ZFHX3: variants seen among roughly 807,000 people sequenced by gnomAD.
ZFHX3 encodes zinc finger homeobox 3.
A neutral mutation model predicts 279.1 loss-of-function variants in ZFHX3; 42 were observed. The ratio of observed to expected loss-of-function variants is 0.15; its 90% CI spans 0.12 to 0.19. ZFHX3 has a LOEUF of 0.19. Among genes scored for constraint, ZFHX3 ranks in the 10% least tolerant of loss-of-function variants. The probability of loss-of-function intolerance (pLI) is 1.00; values close to 1 mark genes in which losing one functional copy is unlikely to be tolerated. For missense variants in ZFHX3, 4,981 were observed against 4,754.0 expected (o/e 1.05, Z -1.40); for synonymous variants, 2,293 against 1,957.8 (o/e 1.17, Z -4.52).
chr16:73,091,212 GA>G (rs59061383), intron 8 of ZFHX3, among the ~76,000 whole-genome samples: 5,249 of 127,666 alleles, frequency 0.041, 316 homozygotes, highest in African/African-American at 0.14. Flanking sequence ...CTCCGTCTCG[GA>G]AAAAAAAAAA....
chr16:73,396,764 A>T (rs1434748401), intron 3 of ZFHX3, among the ~76,000 whole-genome samples: 1 of 152,190 alleles, frequency 6.6e-6, no homozygotes, highest in Non-Finnish European at 1.5e-5. Context: ...CTCCCTCGAC[A>T]TGTAGGGGTT....
rs755375298 is a variant in ZFHX3, at chr16:72,959,376, G to C, written c.770C>G (p.Ser257Cys). 2 of 1,614,098 alleles carry C rather than the reference G, an allele frequency of 1.2e-6. No homozygotes were observed. Among genetic ancestry groups the C allele is most frequent in the African/African-American group, 2.7e-5 (2 of 74,924 alleles). ...GTCCACATTGTTGGGAACATCTTTG[G>C]ATACGCAGGAGCTTTTGGCAGAACC... ...SDGSAKSSCV[S>C]KDVPNNVDLS... The change falls in exon 2 of 10, where the codon TCC becomes TGC. Residue 257 changes from serine to cysteine, a missense_variant. Coordinates refer to ENST00000268489, the MANE Select transcript of ZFHX3 (RefSeq NM_006885.4).
chr16:73,410,283 G>C lies in ZFHX3; in HGVS notation c.-1291+45720C>G, dbSNP rs1174791627. Among the ~76,000 whole-genome samples, 10 of 152,252 alleles carry C rather than the reference G, an allele frequency of 6.6e-5. No individual in the cohort carries two copies. The East Asian group carries it at 1.9e-3, about 29-fold the overall frequency. ...ATACAAAAATTAGCTAGGCGTGGTAGCAGCTGCCTGTAATGCCAGCTACTC... is the reference window on the plus strand; with the variant it reads ...ATACAAAAATTAGCTAGGCGTGGTACCAGCTGCCTGTAATGCCAGCTACTC... On this transcript the variant is annotated intron_variant, in intron 3 of 17. Coordinates refer to the ZFHX3 transcript ENST00000641206.
intron 4 of ZFHX3, among the ~76,000 whole-genome samples, chr16:72,886,562 A>C (rs958986046): frequency 1.3e-5 from 2 of 152,158 alleles, no homozygotes; most frequent in East Asian, 3.8e-4. Context: ...TCATTAATAC[A>C]AAAGGAATTC....
At chr16:72,921,229 G>C (rs954757152) in intron 3 of ZFHX3, among the ~76,000 whole-genome samples, 1 of 152,170 alleles carries the variant, frequency 6.6e-6, no homozygotes, top group Non-Finnish European at 1.5e-5. Context: ...ATCATGCTTA[G>C]AGAGCTGGAG....
At chr16:73,415,629 CAG>C (rs1420071338) in intron 3 of ZFHX3, among the ~76,000 whole-genome samples, 1 of 152,176 alleles carries the variant, frequency 6.6e-6, no homozygotes, top group East Asian at 1.9e-4. Context: ...TCAGTATCCC[CAG>C]TGCTTGTAAA....
chr16:73,018,058 TC>T (rs1206451883), intron 1 of ZFHX3, among the ~76,000 whole-genome samples: 1 of 151,552 alleles, frequency 6.6e-6, no homozygotes, highest in Non-Finnish European at 1.5e-5. Context: ...CGATCATGGC[TC>T]ACTGCAGCCT....
At chr16:72,887,419 T>C (rs769452111) in intron 4 of ZFHX3, among the ~76,000 whole-genome samples, 4 of 152,226 alleles carry the variant, frequency 2.6e-5, no homozygotes, top group Non-Finnish European at 2.9e-5. Flanking sequence ...CTGCGATTAA[T>C]ATTTATAGTT....
intron 2 of ZFHX3, among the ~76,000 whole-genome samples, chr16:73,481,630 G>T (rs1310458857): frequency 6.9e-6 from 1 of 143,982 alleles, no homozygotes; most frequent in Non-Finnish European, 1.5e-5. Context: ...TTTTGTTGTT[G>T]TTTGTTTGTT....
At position 73,127,457 on chromosome 16, in the gene ZFHX3, C is replaced by T. The variant is rs370213262; in HGVS notation, c.-897+3511G>A. ...TCTGTTCCGGAACTGAGACATCAAG[C>T]GAGAGCCGGGCATCGACAGGCAAGA... On this transcript the variant is annotated intron_variant, in intron 7 of 17. Coordinates refer to the ZFHX3 transcript ENST00000641206. 3.6e-5 allele frequency: 47 copies of T among 1,305,350 alleles called. No individual in the cohort carries two copies. The African/African-American group carries it at 4.1e-4, about 11-fold the overall frequency. 80.9% of individuals were successfully genotyped at this position (1,305,350 alleles called of 1,614,324 possible).
intron 2 of ZFHX3, among the ~76,000 whole-genome samples, chr16:73,622,430 C>T (rs1374957221): frequency 2.0e-5 from 3 of 151,994 alleles, no homozygotes; most frequent in Non-Finnish European, 4.4e-5. Context: ...GGCGTGGTGG[C>T]GGGCACCTGC....
In ZFHX3 at chr16:73,791,152, A is replaced by G. The variant is rs188574655; in HGVS notation, c.-1608+100499T>C. On this transcript the variant is annotated intron_variant, in intron 1 of 17. Coordinates refer to the ZFHX3 transcript ENST00000641206. Reference sequence around the variant, plus strand: ...GCTAATTTTTCTATTTTTTGTAGAGACAGGATCTTGCTGTGTTGCCCAGGC... The same window carrying G: ...GCTAATTTTTCTATTTTTTGTAGAGGCAGGATCTTGCTGTGTTGCCCAGGC... Among the ~76,000 whole-genome samples the G allele has an allele frequency of 9.9e-5, 15 of 152,216 alleles. 1 individual carries two copies. The highest frequency in any genetic ancestry group is 3.9e-4 in the Admixed American group (6 of 15,282).
chr16:73,091,876 C>T (rs949327062), intron 8 of ZFHX3, among the ~76,000 whole-genome samples: 27 of 152,332 alleles, frequency 1.8e-4, no homozygotes, highest in Non-Finnish European at 3.8e-4. Flanking sequence ...ACTTTCCCCT[C>T]ACCTTAGCAA....
chr16:73,351,380 A>G (rs942132426), intron 3 of ZFHX3, among the ~76,000 whole-genome samples: 17 of 152,166 alleles, frequency 1.1e-4, no homozygotes, highest in Non-Finnish European at 1.9e-4. Context: ...AACAGGCCGT[A>G]TTGGTCCCTA....
intron 2 of ZFHX3, among the ~76,000 whole-genome samples, chr16:73,478,435 T>G (rs2018807770): frequency 6.6e-6 from 1 of 152,098 alleles, no homozygotes; most frequent in South Asian, 2.1e-4. Flanking sequence ...ATAACAGCAC[T>G]TTGTTAAAAA....
At chr16:73,177,980 CG>C (rs1373230900) in intron 5 of ZFHX3, among the ~76,000 whole-genome samples, 3 of 152,132 alleles carry the variant, frequency 2.0e-5, no homozygotes, top group Non-Finnish European at 4.4e-5. Context: ...TCAGTCGGGG[CG>C]GGCTACCTCT....
intron 3 of ZFHX3, among the ~76,000 whole-genome samples, chr16:73,436,127 T>C (rs113778024): frequency 5.9e-5 from 9 of 152,312 alleles, no homozygotes; most frequent in African/African-American, 1.9e-4. Flanking sequence ...GTTGGGAGTT[T>C]GAGGCCAGCC....
rs146982718 is a variant in ZFHX3 at position 73,368,543 on chromosome 16, G to A, written c.-1290-50207C>T. The stretch of plus-strand genomic sequence containing the variant: ...CAGCATTCAGTAGTTATTAAACTAT[G>A]ATAAATGCTAAAGTGGGAAAGATTA... On this transcript the variant is annotated intron_variant, in intron 3 of 17. Coordinates refer to the ZFHX3 transcript ENST00000641206. 7.0e-3 allele frequency among the ~76,000 whole-genome samples: 1,063 copies of A among 152,288 alleles called. 6 individuals are homozygous for A. The highest frequency in any genetic ancestry group is 0.012 in the Non-Finnish European group (830 of 68,032).
At chr16:72,818,518 A>G (rs899238796) in intron 5 of ZFHX3, among the ~76,000 whole-genome samples, 6 of 152,184 alleles carry the variant, frequency 3.9e-5, no homozygotes, top group African/African-American at 1.4e-4. Context: ...TTTCCTGCCA[A>G]CTTGGTCTTT....
Sources: allele counts gnomAD v4.1 joint callset (sites outside exome capture counted in the v4.1 genomes callset), GRCh38; gene constraint gnomAD v4.1.1; transcripts MANE v1.5; gene names NCBI Gene and HGNC (gene_info 2026-07-23, HGNC 2026-07-21).